The following EVL variants were observed in gnomAD, a reference collection of about 807,000 sequenced individuals.
The protein encoded by EVL is ena/VASP-like protein.
EVL carries 21 observed loss-of-function variants against 59.6 expected under a neutral mutation model. The ratio of observed to expected loss-of-function variants is 0.35; its 90% CI spans 0.25 to 0.51. The LOEUF (loss-of-function observed/expected upper bound fraction) is 0.51, where lower values mean the gene tolerates loss of function less well. Among genes scored for constraint, EVL ranks in the 20% least tolerant of loss-of-function variants. The pLI is 0.97. For synonymous variants in EVL, 198 were observed against 203.5 expected (o/e 0.97, Z 0.23); for missense variants, 462 against 546.6 (o/e 0.85, Z 1.54).
rs548583849 is a variant in EVL at position 99,980,525 on chromosome 14, T to G, written c.5+8468T>G. ...TTCATCTGGGCCAAGGGCACTTTAT[T>G]GATATTGGAGTTCTACAGAATGCAG... is the stretch of plus-strand genomic sequence containing the variant. On this transcript the variant is annotated intron_variant, in intron 1 of 13. Coordinates refer to the EVL transcript ENST00000402714. 8.7e-4 allele frequency among the ~76,000 whole-genome samples: 133 copies of G among 152,362 alleles called. No homozygotes were observed. The South Asian group carries it at 0.012, about 14-fold the overall frequency.
At position 100,078,213 on chromosome 14, in the gene EVL, G is replaced by A. The variant is rs113060987; in HGVS notation, c.12-6474G>A. On this transcript the variant is annotated intron_variant, in intron 1 of 13. Coordinates refer to ENST00000392920, the MANE Select transcript of EVL (RefSeq NM_016337.3). The stretch of plus-strand genomic sequence containing the variant: ...ATGCATTTCTAGAAGCAGCATGCAC[G>A]CACACTTTTGCAGATAATTTTGGAG... Among the ~76,000 whole-genome samples the A allele has an allele frequency of 1.7e-4, 26 of 152,300 alleles. 1 individual carries two copies. The highest frequency in any genetic ancestry group is 3.6e-4 in the African/African-American group (15 of 41,568).
At chr14:100,135,267 G>T (rs988483792) in intron 8 of EVL, 1 of 152,240 alleles carries the variant, frequency 6.6e-6, no homozygotes, top group African/African-American at 2.4e-5. Context: ...CTCTGCCCAC[G>T]GTGACAAGGG....
At chr14:100,110,485 C>T (rs1267691945) in intron 3 of EVL, among the ~76,000 whole-genome samples, 3 of 152,000 alleles carry the variant, frequency 2.0e-5, no homozygotes, top group African/African-American at 7.2e-5. Context: ...GGTCAGAGAA[C>T]ACTTTCTGAG....
chr14:100,019,718 T>G, intron 1 of EVL: 1 of 1,529,896 alleles, frequency 6.5e-7, no homozygotes. Flanking sequence ...ATCAGTCTGC[T>G]GCTGGCTTTT....
At position 100,124,276 on chromosome 14, in the gene EVL, C is replaced by T. The variant is rs933926694; in HGVS notation, c.422+674C>T. Among the ~76,000 whole-genome samples the T allele has an allele frequency of 2.0e-5, 3 of 152,224 alleles. No individual in the cohort carries two copies. The South Asian group carries it at 6.2e-4, about 32-fold the overall frequency. On this transcript the variant is annotated intron_variant, in intron 4 of 13. Coordinates refer to ENST00000392920, the MANE Select transcript of EVL (RefSeq NM_016337.3). ...CTTTGTCAGATAGGGAGTCAAGCTG[C>T]AGCTCTCTGTGGCTACACTTATGTC...
At chr14:100,125,072 C>T (rs539830918) in intron 4 of EVL, among the ~76,000 whole-genome samples, 16 of 145,522 alleles carry the variant, frequency 1.1e-4, no homozygotes, top group African/African-American at 2.3e-4. Flanking sequence ...ACCTGCTCCA[C>T]GGTGGGACCA....
At chr14:100,016,128 C>T (rs1051453319) in intron 1 of EVL, among the ~76,000 whole-genome samples, 1 of 151,576 alleles carries the variant, frequency 6.6e-6, no homozygotes, top group Admixed American at 6.6e-5. Flanking sequence ...AATTTAACAT[C>T]TGGCTATTCT....
chr14:100,067,925 T>G (rs144330055), intron 1 of EVL, among the ~76,000 whole-genome samples: 1 of 152,274 alleles, frequency 6.6e-6, no homozygotes, highest in Non-Finnish European at 1.5e-5. Context: ...AAGTGGGATC[T>G]CAGGTGAACT....
chr14:100,128,403 A>G, intron 5 of EVL, 116 bp from the exon 6 acceptor site: 1 of 1,040,966 alleles, frequency 9.6e-7, no homozygotes, highest in South Asian at 1.3e-5. Context: ...GCTGTTTCTC[A>G]TCCCTTTGGG....
At chr14:100,123,945 C>T (rs1163248561) in intron 4 of EVL, among the ~76,000 whole-genome samples, 2 of 152,206 alleles carry the variant, frequency 1.3e-5, no homozygotes, top group Non-Finnish European at 2.9e-5. Flanking sequence ...GGAGGCAGTC[C>T]AGGCATGAGG....
chr14:100,000,340 C>CTTTTT (rs60864913), intron 1 of EVL, among the ~76,000 whole-genome samples: 93 of 99,866 alleles, frequency 9.3e-4, no homozygotes, highest in Non-Finnish European at 1.4e-3. Context: ...CTGTTGCATT[C>CTTTTT]TTTTTTTTTT....
intron 4 of EVL, among the ~76,000 whole-genome samples, chr14:100,124,399 G>T (rs1887897961): frequency 6.6e-6 from 1 of 152,148 alleles, no homozygotes; most frequent in Non-Finnish European, 1.5e-5. Flanking sequence ...CTCTCCTCTG[G>T]CCTTTTCCTA....
At chr14:100,019,588 A>G (rs952738277) in intron 1 of EVL, 4 of 1,334,922 alleles carry the variant, frequency 3.0e-6, no homozygotes, top group South Asian at 2.8e-5. Context: ...ACTTTGCACC[A>G]TCTGACTAAC....
Position 100,143,743 on chromosome 14 carries a change from C to G in EVL, c.*5C>G. The G allele has an allele frequency of 6.2e-7, 1 of 1,612,184 alleles. No homozygotes were observed. Among genetic ancestry groups the G allele is most frequent in the Non-Finnish European group, 8.5e-7 (1 of 1,179,764 alleles). On this transcript the variant is annotated 3_prime_UTR_variant, in exon 14 of 14. Transcript: ENST00000392920. ...AGTGGGATCAGCACCACGTAAGGGG[C>G]CGGCCTCGCTGCGCTGATTCGTCGA...
intron 1 of EVL, among the ~76,000 whole-genome samples, chr14:99,979,477 CT>C (rs913240951): frequency 2.3e-4 from 35 of 149,540 alleles, no homozygotes; most frequent in African/African-American, 7.6e-4. Flanking sequence ...AATTATTAAA[CT>C]TTTTTTTTTC....
At chr14:100,091,584 C>T (rs577526465) in intron 2 of EVL, among the ~76,000 whole-genome samples, 1 of 152,320 alleles carries the variant, frequency 6.6e-6, no homozygotes, top group East Asian at 1.9e-4. Flanking sequence ...CCATCCTCTT[C>T]CTGCATCCTT....
intron 3 of EVL, among the ~76,000 whole-genome samples, chr14:100,099,342 T>G (rs1275926127): frequency 6.6e-6 from 1 of 152,206 alleles, no homozygotes; most frequent in African/African-American, 2.4e-5. Flanking sequence ...GAGTCCAGCC[T>G]GGACAACATA....
At chr14:100,140,651 T>A (rs1011567729) in intron 11 of EVL, 2 of 151,500 alleles carry the variant, frequency 1.3e-5, no homozygotes, top group African/African-American at 4.9e-5. Context: ...GGAGGATGTT[T>A]CTTGGGGGAG....
chr14:100,036,774 C>T (rs2061395241), intron 1 of EVL, among the ~76,000 whole-genome samples: 2 of 152,128 alleles, frequency 1.3e-5, no homozygotes, highest in East Asian at 1.9e-4. Flanking sequence ...AACAGAGGAC[C>T]GTGGCACTCT....
Sources: gnomAD v4.1 joint callset for allele counts (sites outside exome capture counted in the v4.1 genomes callset) on GRCh38, gnomAD v4.1.1 for gene constraint, MANE v1.5 for transcripts, NCBI Gene and HGNC (gene_info 2026-07-23, HGNC 2026-07-21) for gene names.